AK9: variants seen among roughly 807,000 people sequenced by gnomAD.
The protein encoded by AK9 is adenylate kinase domain containing 1.
A neutral mutation model predicts 239.6 loss-of-function variants in AK9; 191 were observed. The ratio of observed to expected loss-of-function variants is 0.80; its 90% confidence interval spans 0.71 to 0.90. The LOEUF (loss-of-function observed/expected upper bound fraction) is 0.90, where lower values mean the gene tolerates loss of function less well. Ranked by LOEUF, AK9 falls within the 40% of genes least tolerant of loss-of-function variation. The pLI is 0.00. For missense variants in AK9, 1,995 were observed against 2,214.7 expected, an observed-to-expected ratio of 0.90 and a Z score of 1.99; for synonymous variants, 689 against 721.0, an observed-to-expected ratio of 0.96 and a Z score of 0.71.
rs776780544 is a variant in AK9, at chr6:109,545,957, A to C, written c.3135T>G (p.Asp1045Glu). The change falls in exon 26 of 41, where the codon GAT (aspartate) becomes GAG (glutamate). Residue 1045 changes from aspartate (D) to glutamate (E), a missense_variant. Asp to Glu is a conservative substitution (Grantham distance 45, BLOSUM62 2). This residue lies in a region of AK9 where 1,290 missense variants were observed against 1,392.7 expected (regional missense o/e 0.93). Transcript: ENST00000424296. Reference protein sequence around the residue: ...EKKVGPEFEEDSENEQAAKQE... With the variant: ...EKKVGPEFEEESENEQAAKQE... ...GTTTGGCAGCTTGCTCGTTCTCAGA[A>C]TCTTCCTCAAATTCAGGTCCCACTT... 2.5e-6 allele frequency: 4 copies of C among 1,614,204 alleles called. No individual in the cohort carries two copies. The highest frequency in any genetic ancestry group is 1.6e-4 in the Middle Eastern group (1 of 6,062).
chr6:109,626,248 T>C (rs1175761378), intron 12 of AK9, among the ~76,000 whole-genome samples: 1 of 152,178 alleles, frequency 6.6e-6, no homozygotes, highest in Admixed American at 6.5e-5. Flanking sequence ...GCATTATTTA[T>C]AATAGCCACT....
At chr6:109,495,263 A>T (rs1776917078) in intron 39 of AK9, 75 bp downstream of exon 39, 1 of 1,190,838 alleles carries the variant, frequency 8.4e-7, no homozygotes, top group African/African-American at 1.6e-5. Context: ...TTGTTCCCAA[A>T]ATGAAAATTA....
At chr6:109,684,830 C>A (rs1313252713) in intron 1 of AK9, among the ~76,000 whole-genome samples, 41 of 123,970 alleles carry the variant, frequency 3.3e-4, no homozygotes, top group African/African-American at 8.3e-4. Flanking sequence ...GCCGAGATCC[C>A]GCCACTGCAC....
intron 12 of AK9, among the ~76,000 whole-genome samples, chr6:109,628,121 G>A (rs181396363): frequency 3.4e-4 from 52 of 152,222 alleles, no homozygotes; most frequent in African/African-American, 1.1e-3. Context: ...TTACACCCAA[G>A]GGATGGCCTT....
chr6:109,573,313 C>T (rs1583065133), intron 21 of AK9, 129 bp downstream of exon 21: 3 of 1,005,100 alleles, frequency 3.0e-6, no homozygotes, highest in African/African-American at 3.3e-5. Context: ...TCAATGGCTG[C>T]TCTCTGGGGG....
chr6:109,533,195 G>C, intron 28 of AK9, 56 bp downstream of exon 28: 1 of 1,358,850 alleles, frequency 7.4e-7, no homozygotes, highest in Non-Finnish European at 1.0e-6. Context: ...CTTTATAATA[G>C]ATCACTAAAC....
At chr6:109,511,231 C>T (rs531020939) in intron 32 of AK9, among the ~76,000 whole-genome samples, 9 of 152,146 alleles carry the variant, frequency 5.9e-5, no homozygotes, top group Admixed American at 3.3e-4. Flanking sequence ...TTGTATCATT[C>T]CCCTTTCTGT....
At chr6:109,519,156 G>C (rs568980902) in intron 29 of AK9, among the ~76,000 whole-genome samples, 10 of 152,148 alleles carry the variant, frequency 6.6e-5, no homozygotes, top group African/African-American at 2.4e-4. Context: ...TCTTTTTTAT[G>C]GTCATGTAGT....
intron 8 of AK9, among the ~76,000 whole-genome samples, chr6:109,651,066 C>T (rs940143318): frequency 1.3e-5 from 2 of 151,914 alleles, no homozygotes; most frequent in East Asian, 1.9e-4. Flanking sequence ...GAACATCACA[C>T]ACCGGGGACT....
At chr6:109,666,906 T>C (rs559302271) in intron 5 of AK9, among the ~76,000 whole-genome samples, 1 of 152,306 alleles carries the variant, frequency 6.6e-6, no homozygotes, top group East Asian at 1.9e-4. Context: ...CATAAAGATA[T>C]ACTCGGGGCA....
intron 26 of AK9, 132 bp downstream of exon 26, chr6:109,545,735 T>A: frequency 1.8e-6 from 2 of 1,140,930 alleles, no homozygotes; most frequent in South Asian, 3.3e-5. Flanking sequence ...CCAGGGAAGT[T>A]GAGGCTTTGG....
In AK9 at chr6:109,653,118, G is replaced by A. The variant is rs796828860; in HGVS notation, c.759+3638C>T. Among the ~76,000 whole-genome samples, 16 of 152,128 alleles carry A rather than the reference G, an allele frequency of 1.1e-4. 1 individual carries two copies. The highest frequency in any genetic ancestry group is 3.1e-4 in the African/African-American group (13 of 41,496). On this transcript the variant is annotated intron_variant, in intron 8 of 40. Coordinates refer to ENST00000424296, the MANE Select transcript of AK9 (RefSeq NM_001145128.3). The stretch of plus-strand genomic sequence containing the variant: ...ATTTTTGTATTTTTAGTAGAGAGGC[G>A]GTTTCACCATGGTGGCCAGGCTGGT...
chr6:109,579,727 T>A, intron 19 of AK9, 101 bp from the exon 20 acceptor site: 1 of 958,594 alleles, frequency 1.0e-6, no homozygotes, highest in Non-Finnish European at 1.5e-6. Flanking sequence ...AGATTAAATC[T>A]TATTATACTT....
Position 109,533,514 on chromosome 6 carries a change from G to C in AK9, c.3351-44C>G, listed in dbSNP as rs554233631. On this transcript the variant is annotated intron_variant, in intron 27 of 40. Coordinates refer to ENST00000424296, the MANE Select transcript of AK9 (RefSeq NM_001145128.3). ...ATTTACTTTATTTCATTAAAATGTT[G>C]TAATGGATGTGTTCATTAATTTGAC... The C allele has an allele frequency of 1.1e-5, 16 of 1,454,584 alleles. No homozygotes were observed. In the East Asian group the frequency reaches 3.7e-4, roughly 34 times the overall value. 90.1% of individuals were successfully genotyped at this position (1,454,584 alleles called of 1,614,324 possible).
intron 35 of AK9, among the ~76,000 whole-genome samples, chr6:109,505,692 C>A (rs977030287): frequency 2.6e-5 from 4 of 152,126 alleles, no homozygotes; most frequent in Non-Finnish European, 5.9e-5. Flanking sequence ...ACACTATATA[C>A]CCTTTTAGTG....
At chr6:109,589,972 A>G (rs1202741341) in intron 17 of AK9, among the ~76,000 whole-genome samples, 3 of 151,998 alleles carry the variant, frequency 2.0e-5, no homozygotes, top group Non-Finnish European at 4.4e-5. Context: ...GTTTGCTAGT[A>G]TTTTTTTGAG....
chr6:109,614,106 T>C (rs1279013359), intron 15 of AK9, 77 bp downstream of exon 15: 2 of 1,390,694 alleles, frequency 1.4e-6, no homozygotes, highest in African/African-American at 1.4e-5. Flanking sequence ...ATTTTAAGCA[T>C]AAATATAAAC....
At chr6:109,662,107 C>T (rs573222002) in intron 6 of AK9, among the ~76,000 whole-genome samples, 11 of 152,258 alleles carry the variant, frequency 7.2e-5, no homozygotes, top group African/African-American at 2.6e-4. Context: ...ATGGTTCCTA[C>T]CTTCAAGTAA....
chr6:109,621,077 T>C (rs1006539614), intron 12 of AK9, among the ~76,000 whole-genome samples: 17 of 149,478 alleles, frequency 1.1e-4, no homozygotes, highest in Middle Eastern at 3.4e-3. Flanking sequence ...AAAAAGTGGG[T>C]GAAGGACATG....
Sources: gnomAD v4.1 joint callset for allele counts (sites outside exome capture counted in the v4.1 genomes callset) on GRCh38, gnomAD v4.1.1 for gene constraint, gnomAD v4.1.1 regional missense constraint, MANE v1.5 for transcripts, NCBI Gene and HGNC (gene_info 2026-07-23, HGNC 2026-07-21) for gene names.